GHR: variants seen among roughly 807,000 people sequenced by gnomAD.
GHR encodes the protein growth hormone receptor.
Under a neutral mutation model 67.1 loss-of-function variants are expected in GHR, and 35 were observed. The observed-to-expected ratio is 0.52, with a 90% CI of 0.40 to 0.69. The LOEUF (loss-of-function observed/expected upper bound fraction) is 0.69. Ranked by LOEUF, GHR falls within the 30% of genes least tolerant of loss-of-function variation. The probability of loss-of-function intolerance (pLI) is 0.00; values close to 1 mark genes in which losing one functional copy is unlikely to be tolerated. For synonymous variants in GHR, 272 were observed against 269.1 expected, an observed-to-expected ratio of 1.01 and a Z score of -0.10; for missense variants, 792 against 764.6, an observed-to-expected ratio of 1.04 and a Z score of -0.42.
intron 6 of GHR, among the ~76,000 whole-genome samples, chr5:42,703,458 G>A (rs1758028064): frequency 6.6e-6 from 1 of 151,922 alleles, no homozygotes; most frequent in East Asian, 1.9e-4. Context: ...CTATAGCTTT[G>A]TATTATGTTT....
chr5:42,472,589 T>C (rs888649784), intron 1 of GHR, among the ~76,000 whole-genome samples: 14 of 152,288 alleles, frequency 9.2e-5, no homozygotes, highest in South Asian at 4.2e-4. Context: ...CCATAAGAAT[T>C]TGAAGGATTG....
chr5:42,678,276 C>G (rs1226858280), intron 3 of GHR, among the ~76,000 whole-genome samples: 3 of 152,166 alleles, frequency 2.0e-5, no homozygotes, highest in Non-Finnish European at 2.9e-5. Context: ...TTCCTGGTAG[C>G]TTCTTTCAAT....
At chr5:42,574,705 A>AT (rs1449396203) in intron 2 of GHR, among the ~76,000 whole-genome samples, 1 of 152,248 alleles carries the variant, frequency 6.6e-6, no homozygotes, top group Non-Finnish European at 1.5e-5. Context: ...ATGGAAGAAT[A>AT]TTAATAACCA....
chr5:42,468,198 G>A, intron 1 of GHR: 1 of 1,422,360 alleles, frequency 7.0e-7, no homozygotes, highest in Non-Finnish European at 9.9e-7. Context: ...AGACTTTGAT[G>A]TTCTCAGAGT....
intron 3 of GHR, among the ~76,000 whole-genome samples, chr5:42,669,203 C>G (rs1424602075): frequency 6.6e-6 from 1 of 152,152 alleles, no homozygotes; most frequent in Non-Finnish European, 1.5e-5. Context: ...TGTTCAATGT[C>G]TGCTGAATAA....
At chr5:42,605,088 C>CTTT (rs1439364062) in intron 2 of GHR, among the ~76,000 whole-genome samples, 24 of 135,788 alleles carry the variant, frequency 1.8e-4, no homozygotes, top group African/African-American at 6.8e-4. Context: ...TTTGTGGTGC[C>CTTT]TCTTTTTTTT....
Position 42,424,326 on chromosome 5 carries a change from A to C in GHR, c.-12+371A>C. The C allele has an allele frequency of 1.8e-6, 1 of 564,448 alleles. No homozygotes were observed. Among genetic ancestry groups the C allele is most frequent in the Non-Finnish European group, 3.2e-6 (1 of 314,364 alleles). 35.0% of individuals were successfully genotyped at this position (564,448 alleles called of 1,614,324 possible). On this transcript the variant is annotated intron_variant, in intron 1 of 9. Transcript: ENST00000230882. This position sits in a 1 kb window ranked among gnomAD's most constrained non-coding sequence, Gnocchi z 4.1. ...GTGTACGTGGAGGGGTTTACTCCGG[A>C]GACAGTTTTGTTAAAGTCATAAAAG... is the stretch of plus-strand genomic sequence containing the variant.
chr5:42,519,705 AC>A lies in GHR; in HGVS notation c.-11-46157del, dbSNP rs780281786. 3.8e-4 allele frequency among the ~76,000 whole-genome samples: 58 copies of A among 152,288 alleles called. 2 individuals are homozygous for A. Among genetic ancestry groups the A allele is most frequent in the Middle Eastern group, 3.4e-3 (1 of 294 alleles). On this transcript the variant is annotated intron_variant, in intron 1 of 9. Coordinates refer to ENST00000230882, the MANE Select transcript of GHR (RefSeq NM_000163.5). ...CTTATCTACATTTTAAATAAAGTTG[AC>A]CATTTCTTTTAGGTAGCCTTCATGT...
chr5:42,534,852 C>G (rs1748186603), intron 1 of GHR, among the ~76,000 whole-genome samples: 1 of 151,972 alleles, frequency 6.6e-6, no homozygotes, highest in African/African-American at 2.4e-5. Context: ...TTTATTATGG[C>G]CATCCTTGCA....
chr5:42,692,284 C>G (rs1042941403), intron 4 of GHR, among the ~76,000 whole-genome samples: 8 of 151,864 alleles, frequency 5.3e-5, no homozygotes, highest in African/African-American at 1.9e-4. Context: ...AACATTTCTT[C>G]TGCTCTTTAT....
intron 2 of GHR, among the ~76,000 whole-genome samples, chr5:42,569,432 C>T (rs77359521): frequency 6.6e-6 from 1 of 152,000 alleles, no homozygotes; most frequent in Non-Finnish European, 1.5e-5. Context: ...ATAGAAGGCC[C>T]AGAGATAGCA....
intron 2 of GHR, among the ~76,000 whole-genome samples, chr5:42,616,062 T>A (rs11957404): frequency 0.2 from 31,118 of 151,920 alleles, 3,789 homozygotes; most frequent in African/African-American, 0.32. Flanking sequence ...TGATTTGTGA[T>A]CATATTTACC....
chr5:42,516,145 G>A (rs1458845468), intron 1 of GHR, among the ~76,000 whole-genome samples: 1 of 152,088 alleles, frequency 6.6e-6, no homozygotes, highest in Non-Finnish European at 1.5e-5. Flanking sequence ...ACTTCCACAT[G>A]GAAGAGACAA....
At chr5:42,524,641 T>G (rs1044920332) in intron 1 of GHR, among the ~76,000 whole-genome samples, 1 of 152,172 alleles carries the variant, frequency 6.6e-6, no homozygotes, top group Non-Finnish European at 1.5e-5. Context: ...CCCTAGACCA[T>G]GGGGAAAATG....
chr5:42,537,495 G>C (rs1384333248), intron 1 of GHR, among the ~76,000 whole-genome samples: 3 of 151,938 alleles, frequency 2.0e-5, no homozygotes, highest in African/African-American at 7.3e-5. Context: ...TTGATTTCCA[G>C]GTTTATTCAA....
chr5:42,424,389 G>A lies in GHR; in HGVS notation c.-12+434G>A. On this transcript the variant is annotated intron_variant, in intron 1 of 9. Transcript: ENST00000230882. The surrounding 1 kb of genome is among the most constrained non-coding windows in gnomAD (Gnocchi z 4.1). ...GTTTCTGTTTGCCATCATCTGCCTGGCTGCGGCAGGAACTGCCGAGGCTGC... is the reference window on the plus strand; with the variant it reads ...GTTTCTGTTTGCCATCATCTGCCTGACTGCGGCAGGAACTGCCGAGGCTGC... 1.7e-6 allele frequency: 1 copy of A among 597,962 alleles called. No homozygotes were observed. The highest frequency in any genetic ancestry group is 3.0e-6 in the Non-Finnish European group (1 of 335,090). 37.0% of individuals were successfully genotyped at this position (597,962 alleles called of 1,614,324 possible). A position where few individuals can be genotyped will look rare whatever the true frequency, so the allele number is the denominator to read the frequency against.
chr5:42,607,162 T>C (rs1752668894), intron 2 of GHR, among the ~76,000 whole-genome samples: 1 of 152,186 alleles, frequency 6.6e-6, no homozygotes, highest in African/African-American at 2.4e-5. Flanking sequence ...CCACCATGAT[T>C]ATAAGTTTCC....
intron 1 of GHR, among the ~76,000 whole-genome samples, chr5:42,502,610 C>T (rs1746585504): frequency 6.6e-6 from 1 of 151,738 alleles, no homozygotes; most frequent in Admixed American, 6.6e-5. Flanking sequence ...CTCACGCTCT[C>T]TCTCATACCC....
intron 1 of GHR, chr5:42,550,108 G>A: frequency 1.0e-6 from 1 of 973,250 alleles, no homozygotes; most frequent in Non-Finnish European, 1.2e-6. Context: ...CAGCACGTAT[G>A]AGCCTGGGGT....
Sources: allele counts gnomAD v4.1 joint callset (sites outside exome capture counted in the v4.1 genomes callset), GRCh38; gene constraint gnomAD v4.1.1; non-coding constraint Gnocchi (gnomAD v3.1); transcripts MANE v1.5; gene names NCBI Gene and HGNC (gene_info 2026-07-23, HGNC 2026-07-21).